Variants in XPR1 observed in about 807,000 individuals in gnomAD.
XPR1 encodes xenotropic and polytropic retrovirus receptor 1, also known as solute carrier family 53 member 1.
Under a neutral mutation model 87.5 loss-of-function variants are expected in XPR1, and 28 were observed. That is an observed-to-expected ratio of 0.32 (90% confidence interval 0.24 to 0.44). The LOEUF is 0.44. XPR1 is among the 20% of genes least tolerant of loss of function. XPR1 has a pLI of 1.00. For synonymous variants in XPR1, 300 were observed against 306.1 expected (o/e 0.98, Z 0.21); for missense variants, 559 against 862.3 (o/e 0.65, Z 4.41).
At chr1:180,825,432 C>T in intron 9 of XPR1, 88 bp downstream of exon 9, 6 of 1,342,922 alleles carry the variant, frequency 4.5e-6, no homozygotes, top group Non-Finnish European at 5.0e-6. Flanking sequence ...CTAGGTTGTA[C>T]AACTGCAGAG....
chr1:180,793,591 G>A lies in XPR1; in HGVS notation c.223+5737G>A, dbSNP rs1649464370. 2.0e-5 allele frequency among the ~76,000 whole-genome samples: 3 copies of A among 152,022 alleles called. No individual in the cohort carries two copies. In the South Asian group the frequency reaches 6.2e-4, roughly 32 times the overall value. On this transcript the variant is annotated intron_variant, in intron 3 of 14. Coordinates refer to ENST00000367590, the MANE Select transcript of XPR1 (RefSeq NM_004736.4). The stretch of plus-strand genomic sequence containing the variant: ...CCCATGTGTTAACGTATCTTCCTGT[G>A]TCATGATTCTCTTGAGTTCATTACA...
At chr1:180,881,626 T>C (rs973232241) in intron 14 of XPR1, among the ~76,000 whole-genome samples, 1 of 152,166 alleles carries the variant, frequency 6.6e-6, no homozygotes, top group Non-Finnish European at 1.5e-5. Flanking sequence ...CAGTGAAAAT[T>C]CAGATCAGGA....
chr1:180,729,943 C>T (rs1289863889), intron 2 of XPR1, among the ~76,000 whole-genome samples: 2 of 152,128 alleles, frequency 1.3e-5, no homozygotes, highest in Non-Finnish European at 2.9e-5. Flanking sequence ...CTTTTGGCAC[C>T]TTCAGCATGA....
chr1:180,692,113 A>G (rs960122547), intron 2 of XPR1, among the ~76,000 whole-genome samples: 1 of 152,150 alleles, frequency 6.6e-6, no homozygotes, highest in African/African-American at 2.4e-5. Flanking sequence ...AGGCAGAGCT[A>G]TATTTAATTT....
intron 2 of XPR1, among the ~76,000 whole-genome samples, chr1:180,686,078 T>G (rs947940746): frequency 6.6e-6 from 1 of 152,222 alleles, no homozygotes; most frequent in African/African-American, 2.4e-5. Context: ...ATCGTGGTGT[T>G]AGGGTGTCAA....
chr1:180,738,512 T>A (rs1658804401), intron 2 of XPR1, among the ~76,000 whole-genome samples: 1 of 152,216 alleles, frequency 6.6e-6, no homozygotes, highest in South Asian at 2.1e-4. Flanking sequence ...TGAGGTCTAA[T>A]TCACCTAACA....
At chr1:180,812,297 A>G (rs1276706320) in intron 7 of XPR1, among the ~76,000 whole-genome samples, 2 of 152,140 alleles carry the variant, frequency 1.3e-5, no homozygotes, top group South Asian at 2.1e-4. Context: ...TTTGTTTCCT[A>G]TCTAGGCAAT....
At chr1:180,710,217 T>G (rs997045132) in intron 2 of XPR1, among the ~76,000 whole-genome samples, 3 of 151,926 alleles carry the variant, frequency 2.0e-5, no homozygotes, top group Non-Finnish European at 1.5e-5. Flanking sequence ...TTTTTTTTTT[T>G]TTAATTGATC....
intron 11 of XPR1, among the ~76,000 whole-genome samples, chr1:180,859,541 G>A (rs1027208669): frequency 6.6e-6 from 1 of 152,104 alleles, no homozygotes; most frequent in Non-Finnish European, 1.5e-5. Flanking sequence ...TACCAATGAA[G>A]GCAGATGATT....
chr1:180,721,456 A>G (rs142070690), intron 2 of XPR1, among the ~76,000 whole-genome samples: 208 of 152,288 alleles, frequency 1.4e-3, no homozygotes, highest in African/African-American at 4.9e-3. Flanking sequence ...TATTAAAGTA[A>G]GTTTTGAGAA....
chr1:180,659,369 GTCCGTCCTTCCGTCCTTCCTTCCT>G (rs1655673901), intron 1 of XPR1, among the ~76,000 whole-genome samples: 1 of 60,600 alleles, frequency 1.7e-5, no homozygotes, highest in Admixed American at 1.8e-4. Context: ...CCGTCCTTCC[GTCCGTCCTTCCGTCCTTCCTTCCT>G]TCCTTCCTTC....
intron 11 of XPR1, among the ~76,000 whole-genome samples, chr1:180,851,422 C>A (rs1185723465): frequency 5.3e-5 from 8 of 152,054 alleles, no homozygotes; most frequent in Admixed American, 1.3e-4. Flanking sequence ...TATTTGTGTG[C>A]CTATAGACAG....
chr1:180,818,683 A>G (rs977677887), intron 7 of XPR1, among the ~76,000 whole-genome samples: 2 of 152,102 alleles, frequency 1.3e-5, no homozygotes, highest in Non-Finnish European at 2.9e-5. Context: ...TGGATCAGAG[A>G]GATGATATAC....
At position 180,823,571 on chromosome 1, in the gene XPR1, G is replaced by A. The variant is rs901018254; in HGVS notation, c.764-1182G>A. ...AGAGTTAATATTTTAGGGGTGCTGC[G>A]AGATAAGTTTGGGAAAAGTGAGTTG... On this transcript the variant is annotated intron_variant, in intron 7 of 14. Coordinates refer to ENST00000367590, the MANE Select transcript of XPR1 (RefSeq NM_004736.4). Among the ~76,000 whole-genome samples the A allele has an allele frequency of 4.3e-4, 65 of 152,198 alleles. 3 individuals are homozygous for A. The highest frequency in any genetic ancestry group is 2.9e-5 in the Non-Finnish European group (2 of 68,026).
At chr1:180,664,067 A>T (rs1655875860) in intron 1 of XPR1, among the ~76,000 whole-genome samples, 1 of 152,094 alleles carries the variant, frequency 6.6e-6, no homozygotes, top group South Asian at 2.1e-4. Context: ...AGGTCTAGAG[A>T]TGCTGTCTAA....
intron 3 of XPR1, among the ~76,000 whole-genome samples, chr1:180,802,644 C>G (rs1649831477): frequency 6.6e-6 from 1 of 152,152 alleles, no homozygotes; most frequent in African/African-American, 2.4e-5. Flanking sequence ...TTTCATCATC[C>G]TAAAGACATA....
intron 3 of XPR1, among the ~76,000 whole-genome samples, chr1:180,802,294 G>A (rs12086744): frequency 1.3e-5 from 2 of 152,048 alleles, no homozygotes; most frequent in Admixed American, 1.3e-4. Context: ...GACCTTGGAA[G>A]AAAAATACAG....
At chr1:180,822,223 C>G (rs1236855768) in intron 7 of XPR1, among the ~76,000 whole-genome samples, 2 of 152,176 alleles carry the variant, frequency 1.3e-5, no homozygotes, top group Non-Finnish European at 2.9e-5. Flanking sequence ...CTACTGCTGA[C>G]CAGTTCTTTA....
chr1:180,756,837 A>G (rs974206143), intron 2 of XPR1, among the ~76,000 whole-genome samples: 1 of 152,232 alleles, frequency 6.6e-6, no homozygotes, highest in African/African-American at 2.4e-5. Context: ...ATTTTCGCAC[A>G]TGATAGAAAG....
Sources: allele counts gnomAD v4.1 joint callset (sites outside exome capture counted in the v4.1 genomes callset), GRCh38; gene constraint gnomAD v4.1.1; transcripts MANE v1.5; gene names NCBI Gene and HGNC (gene_info 2026-07-23, HGNC 2026-07-21).